MYO18A: variants seen among roughly 807,000 people sequenced by gnomAD.
MYO18A encodes the protein myosin XVIIIA, also known as unconventional myosin-XVIIIa.
MYO18A carries 78 observed loss-of-function variants against 235.8 expected under a neutral mutation model. That is an observed-to-expected ratio of 0.33 (90% CI 0.28 to 0.40). The LOEUF (loss-of-function observed/expected upper bound fraction) is 0.40. Ranked by LOEUF, MYO18A falls within the 10% of genes least tolerant of loss-of-function variation. MYO18A has a pLI of 1.00. For missense variants in MYO18A, 2,215 were observed against 2,699.3 expected, an observed-to-expected ratio of 0.82 and a Z score of 3.98; for synonymous variants, 977 against 1,077.8, an observed-to-expected ratio of 0.91 and a Z score of 1.83.
In MYO18A at chr17:29,126,991, G is replaced by C. The variant is rs1381779040; in HGVS notation, c.1000-4738C>G. 6.6e-6 allele frequency among the ~76,000 whole-genome samples: 1 copy of C among 152,210 alleles called. No individual in the cohort carries two copies. Among genetic ancestry groups the C allele is most frequent in the Non-Finnish European group, 1.5e-5 (1 of 68,034 alleles). On this transcript the variant is annotated intron_variant, in intron 2 of 41. Transcript: ENST00000527372. The surrounding 1 kb of genome is among the most constrained non-coding windows in gnomAD (Gnocchi z 4.1). ...GATGGTCATGCTGGCCAGGCCTAAAGAAGGCAGTGATGGCAGTGAGGGCAT... is the reference window on the plus strand; with the variant it reads ...GATGGTCATGCTGGCCAGGCCTAAACAAGGCAGTGATGGCAGTGAGGGCAT...
intron 2 of MYO18A, among the ~76,000 whole-genome samples, chr17:29,129,622 A>G (rs2067412555): frequency 6.6e-6 from 1 of 152,206 alleles, no homozygotes; most frequent in South Asian, 2.1e-4. Flanking sequence ...TGTTACCCAA[A>G]ACAATGATCT....
At chr17:29,156,577 A>G (rs549449538) in intron 2 of MYO18A, among the ~76,000 whole-genome samples, 17 of 152,364 alleles carry the variant, frequency 1.1e-4, no homozygotes, top group Admixed American at 9.8e-4. Flanking sequence ...AAACTGAGCT[A>G]AAGTTTTGGT....
At chr17:29,103,473 C>A in intron 21 of MYO18A, 126 bp downstream of exon 21, 2 of 943,360 alleles carry the variant, frequency 2.1e-6, no homozygotes, top group Non-Finnish European at 1.6e-6. Flanking sequence ...GAGCTGGGGG[C>A]AAGACTCAGA....
intron 1 of MYO18A, among the ~76,000 whole-genome samples, chr17:29,168,799 A>G (rs1432586864): frequency 2.0e-5 from 3 of 152,134 alleles, no homozygotes; most frequent in Admixed American, 6.5e-5. Flanking sequence ...TGCTGTCCAT[A>G]AGAAATATAA....
intron 2 of MYO18A, among the ~76,000 whole-genome samples, chr17:29,136,213 C>T (rs866120066): frequency 6.9e-5 from 9 of 131,102 alleles, no homozygotes; most frequent in Non-Finnish European, 1.1e-4. Context: ...CCTGGGTGAC[C>T]GAGTGAGACC....
In MYO18A at chr17:29,158,629, G is replaced by A. The variant is rs907503865; in HGVS notation, c.999+7313C>T. 9.2e-5 allele frequency among the ~76,000 whole-genome samples: 14 copies of A among 152,298 alleles called. No homozygotes were observed. Among genetic ancestry groups the A allele is most frequent in the African/African-American group, 3.4e-4 (14 of 41,580 alleles). Reference sequence around the variant, plus strand: ...GGCTGCCTGCCCAGGCAGCAGGGGAGCCCTCACCTCAGCTGGGTCACCAGT... The same window carrying A: ...GGCTGCCTGCCCAGGCAGCAGGGGAACCCTCACCTCAGCTGGGTCACCAGT... On this transcript the variant is annotated intron_variant, in intron 2 of 41. Coordinates refer to ENST00000527372, the MANE Select transcript of MYO18A (RefSeq NM_078471.4). The surrounding 1 kb of genome is among the most constrained non-coding windows in gnomAD (Gnocchi z 4.3).
chr17:29,128,521 G>A, intron 2 of MYO18A: 1 of 1,271,748 alleles, frequency 7.9e-7, no homozygotes, highest in South Asian at 1.3e-5. Flanking sequence ...ATGGGCCACT[G>A]CCTTCCTTTG....
At chr17:29,098,291 G>A (rs1256849509) in intron 24 of MYO18A, 65 bp downstream of exon 24, 1 of 1,611,720 alleles carries the variant, frequency 6.2e-7, no homozygotes, top group Non-Finnish European at 8.5e-7. Flanking sequence ...AACACCTGGG[G>A]GACCTGCAGG....
chr17:29,114,169 G>T, intron 14 of MYO18A, 72 bp from the exon 15 acceptor site: 2 of 1,214,836 alleles, frequency 1.6e-6, no homozygotes, highest in Non-Finnish European at 2.4e-6. Flanking sequence ...AGTAGGCTGG[G>T]AAGGGGCTCT....
In MYO18A at chr17:29,126,532, G is replaced by A. The variant is rs1372038951; in HGVS notation, c.1000-4279C>T. Among the ~76,000 whole-genome samples, 1 of 152,100 alleles carries A rather than the reference G, an allele frequency of 6.6e-6. No individual in the cohort carries two copies. The highest frequency in any genetic ancestry group is 2.4e-5 in the African/African-American group (1 of 41,402). ...GAAGCGGCGGCTGGCTTTTCTCTAA[G>A]TGCTGCAATGCCCAGGAAGAATGGG... On this transcript the variant is annotated intron_variant, in intron 2 of 41. Coordinates refer to ENST00000527372, the MANE Select transcript of MYO18A (RefSeq NM_078471.4). This position sits in a 1 kb window ranked among gnomAD's most constrained non-coding sequence, Gnocchi z 4.1.
At chr17:29,103,794 C>A in intron 20 of MYO18A, 130 bp from the exon 21 acceptor site, 1 of 808,364 alleles carries the variant, frequency 1.2e-6, no homozygotes, top group Non-Finnish European at 2.0e-6. Context: ...GCGTGGGCTT[C>A]CTCAGTGTCA....
chr17:29,106,965 G>C lies in MYO18A; in HGVS notation c.3441+115C>G. 3.0e-6 allele frequency: 3 copies of C among 1,014,248 alleles called. No homozygotes were observed. The highest frequency in any genetic ancestry group is 2.5e-5 in the East Asian group (1 of 39,416). The allele number at this position is 1,014,248 out of a possible 1,614,324, so 62.8% of individuals were successfully genotyped here. ...CAGCTGGGTGCTTCCAAAACTGGGA[G>C]CCTGAGCAGGGCCAGATGAGCTGTC... On this transcript the variant is annotated intron_variant, in intron 20 of 41. Coordinates refer to ENST00000527372, the MANE Select transcript of MYO18A (RefSeq NM_078471.4). This position sits in a 1 kb window ranked among gnomAD's most constrained non-coding sequence, Gnocchi z 4.6.
intron 2 of MYO18A, among the ~76,000 whole-genome samples, chr17:29,123,039 G>A (rs989716815): frequency 7.9e-5 from 12 of 152,218 alleles, no homozygotes; most frequent in Non-Finnish European, 1.5e-4. Flanking sequence ...AGGCTTACAC[G>A]TTATACAGAT....
chr17:29,097,428 C>T, intron 26 of MYO18A, 78 bp from the exon 27 acceptor site: 1 of 1,559,220 alleles, frequency 6.4e-7, no homozygotes, highest in Non-Finnish European at 8.7e-7. Flanking sequence ...GAGGATGGGG[C>T]AGGGGGAGCA....
intron 34 of MYO18A, chr17:29,091,397 T>C: frequency 3.0e-6 from 1 of 334,450 alleles, no homozygotes; most frequent in Non-Finnish European, 5.9e-6. Flanking sequence ...GTCCCCTCCT[T>C]GGGGGAGGGG....
chr17:29,110,248 CG>C lies in MYO18A; in HGVS notation c.3088-148del, dbSNP rs1568074246. On this transcript the variant is annotated intron_variant, in intron 18 of 41. Coordinates refer to ENST00000527372, the MANE Select transcript of MYO18A (RefSeq NM_078471.4). ...TGCTAAACCTGGACAACTCTGCCCT[CG>C]CCGGGCCTCGGTGGCCACTCACAGG... 28 of 1,321,892 alleles carry C rather than the reference CG, an allele frequency of 2.1e-5. No homozygotes were observed. The South Asian group carries it at 3.8e-4, about 18-fold the overall frequency. The allele number at this position is 1,321,892 out of a possible 1,614,324, so 81.9% of individuals were successfully genotyped here.
intron 25 of MYO18A, 26 bp downstream of exon 25, chr17:29,098,079 T>C (rs1203973928): frequency 5.6e-6 from 9 of 1,610,456 alleles, no homozygotes; most frequent in African/African-American, 1.3e-5. Context: ...ACCAGCCTGC[T>C]GTTCTCACCC....
intron 2 of MYO18A, among the ~76,000 whole-genome samples, chr17:29,123,586 C>G (rs1022028663): frequency 2.6e-5 from 4 of 152,320 alleles, no homozygotes; most frequent in Admixed American, 1.3e-4. Context: ...CGGCCCTTCC[C>G]CAGATTGGAG....
At chr17:29,079,661 C>A (rs2066067914) in intron 41 of MYO18A, 2 of 963,080 alleles carry the variant, frequency 2.1e-6, no homozygotes, top group South Asian at 4.8e-5. Flanking sequence ...GCCTGAGGGG[C>A]AGGGAGGACG....
Sources: gnomAD v4.1 joint callset for allele counts (sites outside exome capture counted in the v4.1 genomes callset) on GRCh38, gnomAD v4.1.1 for gene constraint, Gnocchi (gnomAD v3.1) non-coding constraint, MANE v1.5 for transcripts, NCBI Gene and HGNC (gene_info 2026-07-23, HGNC 2026-07-21) for gene names.